The following MCC variants were observed in gnomAD, a reference collection of about 807,000 sequenced individuals.
The protein encoded by MCC is colorectal mutant cancer protein.
In MCC, 90 loss-of-function variants were observed where a neutral mutation model predicts 116.2. The ratio of observed to expected loss-of-function variants is 0.77; its 90% CI spans 0.65 to 0.92. The LOEUF is 0.92. Among genes scored for constraint, MCC ranks in the 40% least tolerant of loss-of-function variants. MCC has a pLI of 0.00. For missense variants in MCC, 1,516 were observed against 1,312.2 expected, an observed-to-expected ratio of 1.16 and a Z score of -2.40; for synonymous variants, 578 against 510.5, an observed-to-expected ratio of 1.13 and a Z score of -1.78.
intron 3 of MCC, among the ~76,000 whole-genome samples, chr5:113,245,465 T>C (rs1192777864): frequency 1.3e-5 from 2 of 151,646 alleles, no homozygotes; most frequent in Non-Finnish European, 2.9e-5. Context: ...ACCTAACTGG[T>C]CAGGGAAAAA....
intron 3 of MCC, among the ~76,000 whole-genome samples, chr5:113,290,871 A>G (rs910898840): frequency 1.3e-5 from 2 of 152,206 alleles, no homozygotes; most frequent in Non-Finnish European, 2.9e-5. Context: ...TCAATTTTAA[A>G]AAAAAATCCC....
chr5:113,208,606 C>A (rs557812035), intron 3 of MCC, among the ~76,000 whole-genome samples: 4 of 152,008 alleles, frequency 2.6e-5, no homozygotes. Flanking sequence ...GAAAAAAAAG[C>A]AAGCCTTTCA....
chr5:113,241,015 T>C (rs1435142029), intron 3 of MCC, among the ~76,000 whole-genome samples: 1 of 152,210 alleles, frequency 6.6e-6, no homozygotes, highest in Non-Finnish European at 1.5e-5. Context: ...AGCCAGATCC[T>C]CTGGATGTCC....
chr5:113,064,538 A>G (rs1034568473), intron 13 of MCC, among the ~76,000 whole-genome samples: 1 of 152,134 alleles, frequency 6.6e-6, no homozygotes, highest in African/African-American at 2.4e-5. Context: ...TCCTCTGTGC[A>G]TTGGCACTTC....
In MCC at chr5:113,374,388, A is replaced by G. The variant is rs376346974; in HGVS notation, c.415+10580T>C. 5.9e-5 allele frequency among the ~76,000 whole-genome samples: 9 copies of G among 152,202 alleles called. No individual in the cohort carries two copies. In the South Asian group the frequency reaches 1.9e-3, roughly 32 times the overall value. Reference sequence around the variant, plus strand: ...TGTCAGCTCAAACGTCAGGAGCCCTAAACAACCCAAAGAGACAAACTAAAA... The same window carrying G: ...TGTCAGCTCAAACGTCAGGAGCCCTGAACAACCCAAAGAGACAAACTAAAA... On this transcript the variant is annotated intron_variant, in intron 2 of 18. Coordinates refer to ENST00000408903, the MANE Select transcript of MCC (RefSeq NM_001085377.2).
At position 113,385,293 on chromosome 5, in the gene MCC, T is replaced by C. The variant is rs1769228153; in HGVS notation, c.171-81A>G. On this transcript the variant is annotated intron_variant, in intron 1 of 18. Coordinates refer to ENST00000408903, the MANE Select transcript of MCC (RefSeq NM_001085377.2). Reference sequence around the variant, plus strand: ...AAACTGGTTAATGAAAAAAAAAAGGTATTTCTTAAATATATTCACATACTA... The same window carrying C: ...AAACTGGTTAATGAAAAAAAAAAGGCATTTCTTAAATATATTCACATACTA... The C allele has an allele frequency of 2.9e-6, 4 of 1,391,142 alleles. No individual in the cohort carries two copies. In the South Asian group the frequency reaches 5.4e-5, roughly 19 times the overall value. 86.2% of individuals were successfully genotyped at this position (1,391,142 alleles called of 1,614,324 possible). A position where few individuals can be genotyped will look rare whatever the true frequency, so the allele number is the denominator to read the frequency against.
chr5:113,312,863 T>G (rs1767168784), intron 3 of MCC, among the ~76,000 whole-genome samples: 1 of 152,090 alleles, frequency 6.6e-6, no homozygotes, highest in Non-Finnish European at 1.5e-5. Flanking sequence ...GAGGTTTCAG[T>G]TGGGAATAAA....
chr5:113,373,127 C>A (rs1290715721), intron 2 of MCC, among the ~76,000 whole-genome samples: 1 of 151,152 alleles, frequency 6.6e-6, no homozygotes, highest in Non-Finnish European at 1.5e-5. Flanking sequence ...TGCAGTGAGC[C>A]GAGATCGCGC....
intron 3 of MCC, among the ~76,000 whole-genome samples, chr5:113,290,595 C>G (rs930651326): frequency 6.6e-6 from 1 of 152,314 alleles, no homozygotes; most frequent in South Asian, 2.1e-4. Flanking sequence ...AGATATCTTC[C>G]TTCCAGATAC....
intron 3 of MCC, among the ~76,000 whole-genome samples, chr5:113,255,683 G>A (rs775183322): frequency 5.9e-5 from 9 of 152,160 alleles, no homozygotes; most frequent in Non-Finnish European, 8.8e-5. Context: ...GGAGGAATAT[G>A]CTGGGTAGGT....
intron 2 of MCC, among the ~76,000 whole-genome samples, chr5:113,368,257 T>C (rs1041591087): frequency 2.1e-4 from 32 of 152,310 alleles, no homozygotes; most frequent in Admixed American, 1.1e-3. Context: ...CTCTGAAAAT[T>C]TGAAGAATCT....
At chr5:113,075,357 A>T (rs1416725943) in intron 11 of MCC, among the ~76,000 whole-genome samples, 1 of 151,940 alleles carries the variant, frequency 6.6e-6, no homozygotes, top group Non-Finnish European at 1.5e-5. Flanking sequence ...AGCCTCCCCG[A>T]TGGGTGCCGC....
At chr5:113,231,499 A>G (rs1581284804) in intron 3 of MCC, among the ~76,000 whole-genome samples, 1 of 152,120 alleles carries the variant, frequency 6.6e-6, no homozygotes, top group East Asian at 1.9e-4. Flanking sequence ...GAATATTCAT[A>G]TGACCACAGG....
chr5:113,267,377 G>A (rs969943823), intron 3 of MCC, among the ~76,000 whole-genome samples: 1 of 152,116 alleles, frequency 6.6e-6, no homozygotes, highest in Non-Finnish European at 1.5e-5. Context: ...CTTCTCTTCA[G>A]TGAGGTATGT....
chr5:113,327,544 T>A (rs1232508568), intron 3 of MCC, among the ~76,000 whole-genome samples: 8 of 28,208 alleles, frequency 2.8e-4, no homozygotes, highest in Admixed American at 4.4e-4. Flanking sequence ...AGACTCAGTC[T>A]CAAAAAAAAA....
chr5:113,326,415 A>G (rs773352028), intron 3 of MCC, among the ~76,000 whole-genome samples: 1 of 152,178 alleles, frequency 6.6e-6, no homozygotes, highest in Non-Finnish European at 1.5e-5. Flanking sequence ...AGGTGCCAAG[A>G]TCTTCCAGAT....
At chr5:113,169,977 G>A (rs960084292) in intron 3 of MCC, among the ~76,000 whole-genome samples, 1 of 152,138 alleles carries the variant, frequency 6.6e-6, no homozygotes, top group African/African-American at 2.4e-5. Context: ...CTTAAATAAA[G>A]TACTTCCTTC....
At chr5:113,264,337 C>A (rs186019910) in intron 3 of MCC, among the ~76,000 whole-genome samples, 21 of 152,290 alleles carry the variant, frequency 1.4e-4, no homozygotes, top group Admixed American at 1.4e-3. Context: ...GCCTTAGTCA[C>A]GGGTCAAACA....
At chr5:113,109,159 G>A (rs1756930540) in intron 6 of MCC, among the ~76,000 whole-genome samples, 1 of 152,144 alleles carries the variant, frequency 6.6e-6, no homozygotes, top group African/African-American at 2.4e-5. Context: ...TGGATCATAT[G>A]GTAATTCTAT....
Sources: allele counts gnomAD v4.1 joint callset (sites outside exome capture counted in the v4.1 genomes callset), GRCh38; gene constraint gnomAD v4.1.1; transcripts MANE v1.5; gene names NCBI Gene and HGNC (gene_info 2026-07-23, HGNC 2026-07-21).